Variants in VMP1 observed in about 807,000 individuals in gnomAD.
VMP1 encodes the protein vacuole membrane protein 1, also known as ectopic P-granules autophagy protein 3 homolog.
In VMP1, 11 loss-of-function variants were observed where a neutral mutation model predicts 56.0. That is an observed-to-expected ratio of 0.20 (90% CI 0.12 to 0.32). The LOEUF (loss-of-function observed/expected upper bound fraction) is 0.32. Among genes scored for constraint, VMP1 ranks in the 10% least tolerant of loss-of-function variants. The pLI, the probability that VMP1 is intolerant of heterozygous loss-of-function variation, is 1.00. For missense variants in VMP1, 296 were observed against 490.3 expected, an observed-to-expected ratio of 0.60 and a Z score of 3.74; for synonymous variants, 149 against 165.0, an observed-to-expected ratio of 0.90 and a Z score of 0.74.
rs1368254051 is a variant in VMP1, at chr17:59,737,440, A to T, written c.213-13A>T. On this transcript the variant is annotated splice_polypyrimidine_tract_variant and intron_variant, in intron 3 of 11. Coordinates refer to ENST00000262291, the MANE Select transcript of VMP1 (RefSeq NM_030938.5). ...AGACTGTGAGATATTTATTTTTTTT[A>T]TTTGTTTTTAAGATTATGGCATCGT... 1.9e-6 allele frequency: 3 copies of T among 1,596,604 alleles called. No homozygotes were observed. Among genetic ancestry groups the T allele is most frequent in the Admixed American group, 1.8e-5 (1 of 55,878 alleles).
At chr17:59,739,228 A>C (rs1036997218) in intron 5 of VMP1, among the ~76,000 whole-genome samples, 7 of 152,226 alleles carry the variant, frequency 4.6e-5, no homozygotes, top group Non-Finnish European at 8.8e-5. Context: ...TTCTAGATTT[A>C]ATTGCTTAAG....
chr17:59,707,915 C>T (rs3760330), intron 1 of VMP1, 167 bp downstream of exon 1: 1 of 152,248 alleles, frequency 6.6e-6, no homozygotes, highest in Non-Finnish European at 1.5e-5. Flanking sequence ...CCCTGGATGT[C>T]TCACGCTGGC....
rs1222656059 is a variant in VMP1, at chr17:59,832,296, G to A, written c.975-5999G>A. On this transcript the variant is annotated intron_variant, in intron 10 of 11. Transcript: ENST00000262291. Reference sequence around the variant, plus strand: ...TCATGCCTCAGCCTCCCGAGTAGCTGGGACTACAGGCACGTGCCATCACAC... The same window carrying A: ...TCATGCCTCAGCCTCCCGAGTAGCTAGGACTACAGGCACGTGCCATCACAC... Among the ~76,000 whole-genome samples the A allele has an allele frequency of 2.0e-5, 3 of 148,216 alleles. No homozygotes were observed. In the East Asian group the frequency reaches 5.9e-4, roughly 29 times the overall value.
At chr17:59,790,527 T>C (rs1265141173) in intron 7 of VMP1, among the ~76,000 whole-genome samples, 1 of 152,220 alleles carries the variant, frequency 6.6e-6, no homozygotes, top group Non-Finnish European at 1.5e-5. Flanking sequence ...TGGTGGCTCA[T>C]GCCTGTAATT....
chr17:59,808,654 A>G, intron 7 of VMP1, 142 bp from the exon 8 acceptor site: 1 of 629,148 alleles, frequency 1.6e-6, no homozygotes, highest in Non-Finnish European at 2.7e-6. Flanking sequence ...TGTTTCAGTG[A>G]ACAACCTACT....
chr17:59,807,679 A>G (rs1294624543), intron 7 of VMP1, among the ~76,000 whole-genome samples: 1 of 151,916 alleles, frequency 6.6e-6, no homozygotes, highest in Non-Finnish European at 1.5e-5. Flanking sequence ...CTAAAAATAC[A>G]AAATTAGCTG....
chr17:59,741,148 A>T (rs944577662), intron 5 of VMP1, among the ~76,000 whole-genome samples: 1 of 152,146 alleles, frequency 6.6e-6, no homozygotes, highest in African/African-American at 2.4e-5. Context: ...GTGAGCTATG[A>T]TTGCACCATG....
intron 5 of VMP1, among the ~76,000 whole-genome samples, chr17:59,742,451 A>G (rs1206027059): frequency 2.6e-5 from 4 of 151,872 alleles, no homozygotes; most frequent in Non-Finnish European, 5.9e-5. Context: ...CAGAAGCTCA[A>G]GGTCACAGTG....
At chr17:59,828,347 G>C (rs1399219715) in intron 10 of VMP1, among the ~76,000 whole-genome samples, 1 of 152,184 alleles carries the variant, frequency 6.6e-6, no homozygotes, top group Non-Finnish European at 1.5e-5. Flanking sequence ...TAGGGCAATT[G>C]CAGATTATTT....
At chr17:59,758,264 T>C (rs1332345617) in intron 5 of VMP1, among the ~76,000 whole-genome samples, 4 of 152,200 alleles carry the variant, frequency 2.6e-5, no homozygotes, top group East Asian at 1.9e-4. Context: ...AAATATTCCA[T>C]GTGTACTTGA....
chr17:59,815,131 T>C (rs1388385388), intron 9 of VMP1, among the ~76,000 whole-genome samples: 1 of 152,142 alleles, frequency 6.6e-6, no homozygotes, highest in Non-Finnish European at 1.5e-5. Flanking sequence ...CCTCTTAACC[T>C]TCCCCTAAAA....
At chr17:59,716,749 CA>C (rs1359920160) in intron 1 of VMP1, among the ~76,000 whole-genome samples, 1 of 151,704 alleles carries the variant, frequency 6.6e-6, no homozygotes, top group Non-Finnish European at 1.5e-5. Flanking sequence ...GTTGTTATTA[CA>C]TACATCCAAA....
chr17:59,709,568 T>G (rs1162496002), intron 1 of VMP1, among the ~76,000 whole-genome samples: 1 of 152,208 alleles, frequency 6.6e-6, no homozygotes, highest in Non-Finnish European at 1.5e-5. Flanking sequence ...CACTTTACTC[T>G]TAGAACTGGA....
chr17:59,817,370 T>C (rs769385860), intron 9 of VMP1, among the ~76,000 whole-genome samples: 2 of 151,758 alleles, frequency 1.3e-5, no homozygotes, highest in Non-Finnish European at 2.9e-5. Flanking sequence ...TTATTTTTGA[T>C]ATGGAGTCTC....
chr17:59,725,977 A>G (rs1015147019), intron 1 of VMP1, among the ~76,000 whole-genome samples: 1 of 152,238 alleles, frequency 6.6e-6, no homozygotes, highest in African/African-American at 2.4e-5. Flanking sequence ...AAACAATGAC[A>G]CTATGGGAAA....
At chr17:59,835,135 G>GC (rs750554362) in intron 10 of VMP1, among the ~76,000 whole-genome samples, 2 of 144,116 alleles carry the variant, frequency 1.4e-5, no homozygotes. Context: ...TTTTTTGTTT[G>GC]TTTTTTTTTT....
chr17:59,799,844 T>G (rs1161371477), intron 7 of VMP1, among the ~76,000 whole-genome samples: 1 of 150,584 alleles, frequency 6.6e-6, no homozygotes, highest in Non-Finnish European at 1.5e-5. Flanking sequence ...GCCCCTGTAG[T>G]CCCAGCTACT....
intron 2 of VMP1, among the ~76,000 whole-genome samples, chr17:59,734,394 A>G (rs1382840468): frequency 2.0e-5 from 3 of 152,198 alleles, no homozygotes; most frequent in Non-Finnish European, 4.4e-5. Context: ...TGGATGGAGC[A>G]GGACTGGCAA....
At position 59,839,996 on chromosome 17, in the gene VMP1, C is replaced by A; in HGVS notation, c.*85C>A. 6.6e-7 allele frequency: 1 copy of A among 1,526,538 alleles called. No homozygotes were observed. The highest frequency in any genetic ancestry group is 1.2e-5 in the South Asian group (1 of 82,082). 94.6% of individuals were successfully genotyped at this position (1,526,538 alleles called of 1,614,324 possible). A position where few individuals can be genotyped will look rare whatever the true frequency, so the allele number is the denominator to read the frequency against. On this transcript the variant is annotated 3_prime_UTR_variant, in exon 12 of 12. Coordinates refer to ENST00000262291, the MANE Select transcript of VMP1 (RefSeq NM_030938.5). ...GACTCCAAGCCGGGAAGGAAAATTC[C>A]CTTTTCCAACCTGTATCAATTTTTA...
Sources: allele counts gnomAD v4.1 joint callset (sites outside exome capture counted in the v4.1 genomes callset), GRCh38; gene constraint gnomAD v4.1.1; transcripts MANE v1.5; gene names NCBI Gene and HGNC (gene_info 2026-07-23, HGNC 2026-07-21).